SSC5D: variants seen among roughly 807,000 people sequenced by gnomAD.
SSC5D encodes scavenger receptor cysteine rich family member with 5 domains.
SSC5D carries 106 observed loss-of-function variants against 104.6 expected under a neutral mutation model. That is an observed-to-expected ratio of 1.01 (90% confidence interval 0.87 to 1.19). SSC5D has a LOEUF of 1.19. SSC5D is among the 50% of genes most tolerant of loss of function. The pLI, the probability that SSC5D is intolerant of heterozygous loss-of-function variation, is 0.00. For synonymous variants in SSC5D, 860 were observed against 883.5 expected, an observed-to-expected ratio of 0.97 and a Z score of 0.47; for missense variants, 1,993 against 2,153.8, an observed-to-expected ratio of 0.93 and a Z score of 1.48.
At position 55,488,569 on chromosome 19, in the gene SSC5D, TC is replaced by T; in HGVS notation, c.-17del. 3 of 1,459,904 alleles carry T rather than the reference TC, an allele frequency of 2.1e-6. No homozygotes were observed. The highest frequency in any genetic ancestry group is 2.8e-6 in the Non-Finnish European group (3 of 1,088,972). 90.4% of individuals were successfully genotyped at this position (1,459,904 alleles called of 1,614,324 possible). ...CCGCTCTCCTTCCCCTTTCACCCCATCCCCTGCCCTGGCTGCAACCATGAGG... is the reference window on the plus strand; with the variant it reads ...CCGCTCTCCTTCCCCTTTCACCCCATCCCTGCCCTGGCTGCAACCATGAGG... On this transcript the variant is annotated 5_prime_UTR_variant, in exon 1 of 14. Transcript: ENST00000389623.
chr19:55,509,850 CA>C (rs1250937223), intron 12 of SSC5D, among the ~76,000 whole-genome samples: 856 of 75,962 alleles, frequency 0.011, 5 homozygotes, highest in African/African-American at 0.03. Context: ...AACTCTGTCT[CA>C]AAAAAAAAAA....
chr19:55,489,494 G>A lies in SSC5D; in HGVS notation c.193G>A (p.Gly65Arg). 6.8e-7 allele frequency: 1 copy of A among 1,472,332 alleles called. No homozygotes were observed. The highest frequency in any genetic ancestry group is 8.9e-7 in the Non-Finnish European group (1 of 1,118,478). The allele number at this position is 1,472,332 out of a possible 1,614,324, so 91.2% of individuals were successfully genotyped here. ...AVACRQLGCG[G>R]ALAAPGGAFF... ...GGCCTGCCGGCAGCTGGGCTGCGGA[G>A]GGGCACTGGCCGCCCCGGGAGGCGC... The change falls in exon 3 of 14, where the codon GGG becomes AGG. Residue 65 changes from glycine (G) to arginine (R), a missense_variant. Gly to Arg is a moderately radical substitution (Grantham distance 125). This residue lies in a region of SSC5D where 1,101 missense variants were observed against 1,085.0 expected (regional missense o/e 1.01). Transcript: ENST00000389623.
chr19:55,511,473 G>A (rs930788942), intron 12 of SSC5D, among the ~76,000 whole-genome samples: 60 of 152,286 alleles, frequency 3.9e-4, no homozygotes, highest in African/African-American at 1.4e-3. Flanking sequence ...GGGCGGCAGC[G>A]TGGGCAGAGG....
Position 55,488,525 on chromosome 19 carries a change from GCCT to G in SSC5D, c.-57_-55del, listed in dbSNP as rs1475830694. On this transcript the variant is annotated 5_prime_UTR_variant, in exon 1 of 14. Coordinates refer to ENST00000389623, the MANE Select transcript of SSC5D (RefSeq NM_001144950.2). ...TCCCTCCCTCCCTCTCTCCCCAGCT[GCCT>G]CCTCCTCTTCTCTCCCCGCTCTCCT... 73 of 1,452,984 alleles carry G rather than the reference GCCT, an allele frequency of 5.0e-5. No individual in the cohort carries two copies. The highest frequency in any genetic ancestry group is 3.5e-5 in the Non-Finnish European group (37 of 1,059,984). 90.0% of individuals were successfully genotyped at this position (1,452,984 alleles called of 1,614,324 possible).
At chr19:55,493,994 G>GGGGGGGGGGGGGGGGGGC in intron 7 of SSC5D, 82 bp downstream of exon 7, 2 of 143,314 alleles carry the variant, frequency 1.4e-5, no homozygotes, top group South Asian at 7.8e-5. Flanking sequence ...GGGCGGGGGG[G>GGGGGGGGGGGGGGGGGGC]TCCCTACGCG....
At position 55,503,990 on chromosome 19, in the gene SSC5D, G is replaced by A; in HGVS notation, c.2785+2789G>A. On this transcript the variant is annotated intron_variant, in intron 12 of 13. Transcript: ENST00000389623. The surrounding 1 kb of genome is among the most constrained non-coding windows in gnomAD (Gnocchi z 4.0). Reference sequence around the variant, plus strand: ...CGCAGTAATAATAGCTGGGCGAAGGGCAACCAGGCCCCAAGAAGCGGGCCT... The same window carrying A: ...CGCAGTAATAATAGCTGGGCGAAGGACAACCAGGCCCCAAGAAGCGGGCCT... The A allele has an allele frequency of 1.1e-6, 1 of 929,530 alleles. No homozygotes were observed. Among genetic ancestry groups the A allele is most frequent in the Non-Finnish European group, 1.6e-6 (1 of 640,136 alleles). 57.6% of individuals were successfully genotyped at this position (929,530 alleles called of 1,614,324 possible).
intron 12 of SSC5D, among the ~76,000 whole-genome samples, chr19:55,507,484 G>A (rs1249860905): frequency 6.6e-6 from 1 of 151,278 alleles, no homozygotes; most frequent in Non-Finnish European, 1.5e-5. Flanking sequence ...GGCCAACATG[G>A]TGAAATCCCG....
In SSC5D at chr19:55,489,966, C is replaced by G. The variant is rs1457088506; in HGVS notation, c.446C>G (p.Pro149Arg). The change falls in exon 4 of 14, where the codon CCC (proline) becomes CGC (arginine). Residue 149 changes from proline (P) to arginine (R), a missense_variant. Coordinates refer to ENST00000389623, the MANE Select transcript of SSC5D (RefSeq NM_001144950.2). ...CCAGGGCTGTTGCTGGAGCTGAGCC[C>G]CAGCACGGAGGAGCCCCTGGTGACA... ...PWPGLLLELS[P>R]STEEPLVTHA... 3.2e-6 allele frequency: 5 copies of G among 1,549,698 alleles called. No homozygotes were observed. The highest frequency in any genetic ancestry group is 3.9e-5 in the Admixed American group (2 of 50,930).
chr19:55,492,098 C>A (rs978522658), intron 6 of SSC5D: 1 of 152,342 alleles, frequency 6.6e-6, no homozygotes, highest in Non-Finnish European at 1.5e-5. Flanking sequence ...CCTGGGGCCG[C>A]TCTGAGCCTC....
At chr19:55,488,681 C>G in intron 1 of SSC5D, 67 bp downstream of exon 1, 2 of 1,435,736 alleles carry the variant, frequency 1.4e-6, no homozygotes, top group Non-Finnish European at 1.9e-6. Context: ...CTTAGCTTGT[C>G]CAGTTTAGGG....
Position 55,500,733 on chromosome 19 carries a change from G to C in SSC5D, c.2546G>C (p.Ser849Thr), listed in dbSNP as rs967056834. 2 of 1,551,586 alleles carry C rather than the reference G, an allele frequency of 1.3e-6. No individual in the cohort carries two copies. Among genetic ancestry groups the C allele is most frequent in the African/African-American group, 2.7e-5 (2 of 73,042 alleles). The change falls in exon 11 of 14, where the codon AGC becomes ACC. Residue 849 changes from serine (S) to threonine (T), a missense_variant. This residue lies in a region of SSC5D where 423 missense variants were observed against 409.2 expected (regional missense o/e 1.03). Transcript: ENST00000389623. This position sits in a 1 kb window ranked among gnomAD's most constrained non-coding sequence, Gnocchi z 4.6. ...TGTAAGGGAAGCGAGGCCTCACTGA[G>C]CGACTGCCCCTCGGGGGCTTGGGGG... is the stretch of plus-strand genomic sequence containing the variant. ...MGCKGSEASL[S>T]DCPSGAWGKH...
At chr19:55,512,365 C>CAAAAA (rs374519949) in intron 12 of SSC5D, among the ~76,000 whole-genome samples, 4,238 of 132,558 alleles carry the variant, frequency 0.032, 106 homozygotes, top group Middle Eastern at 0.1. Flanking sequence ...TGCATTTGGC[C>CAAAAA]AAAAAAAAAA....
intron 8 of SSC5D, 107 bp from the exon 9 acceptor site, chr19:55,497,773 C>T (rs1383053194): frequency 8.9e-7 from 1 of 1,121,994 alleles, no homozygotes; most frequent in Non-Finnish European, 1.2e-6. Flanking sequence ...GAGGGAAGGC[C>T]TAGATGGATG....
At position 55,506,373 on chromosome 19, in the gene SSC5D, A is replaced by AT. The variant is rs869296361; in HGVS notation, c.2785+5211dup. Among the ~76,000 whole-genome samples, 80 of 72,062 alleles carry AT rather than the reference A, an allele frequency of 1.1e-3. 13 individuals are homozygous for AT. The highest frequency in any genetic ancestry group is 4.0e-3 in the African/African-American group (72 of 18,032). 47.3% of individuals were successfully genotyped at this position (72,062 alleles called of 152,430 possible). A position where few individuals can be genotyped will look rare whatever the true frequency, so the allele number is the denominator to read the frequency against. ...GAGATTGGAGGCCTGTGGAATTTGG[A>AT]TTTTTTTTTTTTTTTTTTTTTTTTT... is the stretch of plus-strand genomic sequence containing the variant. On this transcript the variant is annotated intron_variant, in intron 12 of 13. Coordinates refer to ENST00000389623, the MANE Select transcript of SSC5D (RefSeq NM_001144950.2).
chr19:55,504,720 C>T (rs1251739828), intron 12 of SSC5D, among the ~76,000 whole-genome samples: 1 of 152,120 alleles, frequency 6.6e-6, no homozygotes, highest in Non-Finnish European at 1.5e-5. Flanking sequence ...AGGCTGGTCT[C>T]AAAGCCGACC....
intron 8 of SSC5D, among the ~76,000 whole-genome samples, chr19:55,495,951 G>C (rs1425285554): frequency 7.0e-6 from 1 of 142,538 alleles, no homozygotes; most frequent in Admixed American, 7.4e-5. Flanking sequence ...CTATTGTCCA[G>C]GTTGGTCTCA....
At position 55,517,702 on chromosome 19, in the gene SSC5D, C is replaced by G; in HGVS notation, c.3426C>G (p.Ser1142=). Residue 1142 remains serine (S), a synonymous_variant, in exon 14 of 14, where the codon TCC becomes TCG. Coordinates refer to ENST00000389623, the MANE Select transcript of SSC5D (RefSeq NM_001144950.2). ...GTACAGTCTCAGAATATTCTAGATC[C>G]CCAGACCCCTCCCCAAGCCCTCACC... ...YSSTVSEYSR[S]PDPSPSPHPT... 6.4e-7 allele frequency: 1 copy of G among 1,551,354 alleles called. No individual in the cohort carries two copies. The highest frequency in any genetic ancestry group is 2.4e-5 in the East Asian group (1 of 40,888).
intron 12 of SSC5D, among the ~76,000 whole-genome samples, chr19:55,501,582 G>A (rs1014653934): frequency 6.6e-6 from 1 of 152,170 alleles, no homozygotes; most frequent in African/African-American, 2.4e-5. Flanking sequence ...TGAAGCTCAC[G>A]CTCTGGTCCG....
rs375565264 is a variant in SSC5D, at chr19:55,518,819, C to T, written c.4543C>T (p.Arg1515Trp). The T allele has an allele frequency of 5.6e-4, 868 of 1,550,328 alleles. 6 individuals are homozygous for T. In the African/African-American group the frequency reaches 9.6e-3, roughly 17 times the overall value. The change falls in exon 14 of 14, where the codon CGG becomes TGG. Residue 1515 changes from arginine to tryptophan, a missense_variant. Arg to Trp is a moderately radical substitution (Grantham distance 101). Transcript: ENST00000389623. ...QRLTQVVEQE[R>W]QERQALLLGL... ...ACTGACCCAGGTCGTGGAACAGGAG[C>T]GGCAGGAGCGCCAAGCCCTGCTGCT...
Sources: allele counts gnomAD v4.1 joint callset (sites outside exome capture counted in the v4.1 genomes callset), GRCh38; gene constraint gnomAD v4.1.1; regional missense constraint gnomAD v4.1.1; non-coding constraint Gnocchi (gnomAD v3.1); transcripts MANE v1.5; gene names NCBI Gene and HGNC (gene_info 2026-07-23, HGNC 2026-07-21).